The following WWOX variants were observed in gnomAD, a reference collection of about 807,000 sequenced individuals.
WWOX encodes the protein WW domain-containing oxidoreductase.
In WWOX, 69 loss-of-function variants were observed where a neutral mutation model predicts 46.2. That is an observed-to-expected ratio of 1.49 (90% CI 1.23 to 1.82). The LOEUF (loss-of-function observed/expected upper bound fraction) is 1.82, where lower values mean the gene tolerates loss of function less well. Ranked by LOEUF, WWOX falls within the 40% of genes most tolerant of loss-of-function variation. WWOX has a pLI of 0.00. For synonymous variants in WWOX, 359 were observed against 202.6 expected, an observed-to-expected ratio of 1.77 and a Z score of -6.56; for missense variants, 919 against 542.6, an observed-to-expected ratio of 1.69 and a Z score of -6.89.
intron 8 of WWOX, among the ~76,000 whole-genome samples, chr16:79,137,319 C>G (rs1039608342): frequency 2.0e-5 from 3 of 152,188 alleles, no homozygotes; most frequent in African/African-American, 7.2e-5. Context: ...GCTTGACAAT[C>G]TTGGCAAGGC....
Position 78,339,497 on chromosome 16 carries a change from A to C in WWOX, c.517-47363A>C, listed in dbSNP as rs1377216094. Among the ~76,000 whole-genome samples the C allele has an allele frequency of 5.0e-5, 6 of 119,976 alleles. 1 individual carries two copies. The highest frequency in any genetic ancestry group is 1.7e-4 in the African/African-American group (6 of 35,442). The allele number at this position is 119,976 out of a possible 152,430, so 78.7% of individuals were successfully genotyped here. On this transcript the variant is annotated intron_variant, in intron 5 of 8. Coordinates refer to ENST00000566780, the MANE Select transcript of WWOX (RefSeq NM_016373.4). ...AAACTGCCCTCACATTGTATCCTGG[A>C]AAGTTCATTTACCTGTACCCGGAGT... is the stretch of plus-strand genomic sequence containing the variant.
At chr16:78,903,962 T>C (rs576266558) in intron 8 of WWOX, among the ~76,000 whole-genome samples, 1 of 152,292 alleles carries the variant, frequency 6.6e-6, no homozygotes, top group Admixed American at 6.5e-5. Context: ...AGCGAATGAA[T>C]GGAGACTCCT....
intron 8 of WWOX, among the ~76,000 whole-genome samples, chr16:78,851,048 G>A (rs1247001198): frequency 6.6e-6 from 1 of 152,176 alleles, no homozygotes; most frequent in Non-Finnish European, 1.5e-5. Flanking sequence ...TGAGTTATTT[G>A]AAAGAGGGTA....
chr16:78,381,057 G>C (rs1266164979), intron 5 of WWOX, among the ~76,000 whole-genome samples: 2 of 152,276 alleles, frequency 1.3e-5, no homozygotes, highest in African/African-American at 4.8e-5. Context: ...CTGAAGTCAA[G>C]TTGCCAGTGC....
At chr16:78,256,074 C>T (rs36026188) in intron 5 of WWOX, among the ~76,000 whole-genome samples, 144 of 145,744 alleles carry the variant, frequency 9.9e-4, no homozygotes, top group Non-Finnish European at 1.8e-3. Flanking sequence ...CACTCGAACC[C>T]GGGAGGCAGA....
At chr16:78,862,069 C>T in intron 8 of WWOX, among the ~76,000 whole-genome samples, 1 of 137,140 alleles carries the variant, frequency 7.3e-6, no homozygotes, top group African/African-American at 2.5e-5. Context: ...GAGATATATG[C>T]ATATCTATAC....
chr16:78,332,632 C>T (rs1404878563), intron 5 of WWOX, among the ~76,000 whole-genome samples: 2 of 152,118 alleles, frequency 1.3e-5, no homozygotes, highest in Non-Finnish European at 2.9e-5. Context: ...GGTTAATGAT[C>T]TGATGATTTT....
At chr16:78,329,300 C>T (rs2080704962) in intron 5 of WWOX, among the ~76,000 whole-genome samples, 1 of 152,134 alleles carries the variant, frequency 6.6e-6, no homozygotes, top group Non-Finnish European at 1.5e-5. Flanking sequence ...GCCAGTTCTC[C>T]TCTGTGGGCA....
intron 8 of WWOX, among the ~76,000 whole-genome samples, chr16:78,619,641 A>AAAG (rs2046127793): frequency 6.6e-6 from 1 of 151,960 alleles, no homozygotes; most frequent in African/African-American, 2.4e-5. Flanking sequence ...GTGGTGGCTC[A>AAAG]TGTCTGTAAA....
intron 8 of WWOX, among the ~76,000 whole-genome samples, chr16:78,445,375 C>T (rs2083536185): frequency 6.6e-6 from 1 of 152,154 alleles, no homozygotes; most frequent in Non-Finnish European, 1.5e-5. Context: ...TGCATTCATT[C>T]ATTCAACAAA....
At chr16:79,053,286 A>G (rs1172975275) in intron 8 of WWOX, among the ~76,000 whole-genome samples, 2 of 152,138 alleles carry the variant, frequency 1.3e-5, no homozygotes, top group Non-Finnish European at 1.5e-5. Context: ...TTATTTTGAG[A>G]TTTAATTTCC....
intron 8 of WWOX, among the ~76,000 whole-genome samples, chr16:78,438,815 T>TA (rs1426796391): frequency 6.6e-6 from 1 of 152,182 alleles, no homozygotes; most frequent in Non-Finnish European, 1.5e-5. Flanking sequence ...GCTACCCTGC[T>TA]AATGGATGGG....
At chr16:78,314,823 A>T (rs1054329919) in intron 5 of WWOX, among the ~76,000 whole-genome samples, 1 of 148,548 alleles carries the variant, frequency 6.7e-6, no homozygotes, top group Admixed American at 6.8e-5. Flanking sequence ...AAGTGCTGGG[A>T]TTACAGGCAT....
At chr16:78,707,830 G>C (rs2048355338) in intron 8 of WWOX, among the ~76,000 whole-genome samples, 1 of 146,100 alleles carries the variant, frequency 6.8e-6, no homozygotes, top group African/African-American at 2.6e-5. Context: ...GCGAGACTCT[G>C]TCTCAAAAAT....
intron 8 of WWOX, among the ~76,000 whole-genome samples, chr16:78,602,953 A>AT (rs1161929308): frequency 6.6e-6 from 1 of 152,084 alleles, no homozygotes; most frequent in Non-Finnish European, 1.5e-5. Flanking sequence ...TTCTCTTTCC[A>AT]TCTCCCTGAT....
intron 8 of WWOX, among the ~76,000 whole-genome samples, chr16:78,602,432 C>G (rs1440157738): frequency 6.6e-6 from 1 of 152,140 alleles, no homozygotes; most frequent in Non-Finnish European, 1.5e-5. Context: ...CGGGGTTTCA[C>G]TATATTGGCC....
intron 8 of WWOX, among the ~76,000 whole-genome samples, chr16:78,666,973 T>A (rs561720490): frequency 6.6e-6 from 1 of 152,298 alleles, no homozygotes; most frequent in South Asian, 2.1e-4. Flanking sequence ...TAAAAGGGTT[T>A]AGGGGAAGTT....
intron 6 of WWOX, among the ~76,000 whole-genome samples, chr16:78,411,474 C>G (rs1452006000): frequency 1.3e-5 from 2 of 152,206 alleles, no homozygotes; most frequent in East Asian, 3.9e-4. Context: ...CAGACTTAAT[C>G]AAGTGAGGGG....
At position 78,862,577 on chromosome 16, in the gene WWOX, C is replaced by T. The variant is rs1013309947; in HGVS notation, c.1057-349031C>T. On this transcript the variant is annotated intron_variant, in intron 8 of 8. Transcript: ENST00000566780. The stretch of plus-strand genomic sequence containing the variant: ...CATGAAATTACAGAGACTGAGACAT[C>T]GAAACCCAGGACAACCAATGGTACA... Among the ~76,000 whole-genome samples, 9 of 152,102 alleles carry T rather than the reference C, an allele frequency of 5.9e-5. No homozygotes were observed. The South Asian group carries it at 1.2e-3, about 21-fold the overall frequency.
Sources: allele counts gnomAD v4.1 joint callset (sites outside exome capture counted in the v4.1 genomes callset), GRCh38; gene constraint gnomAD v4.1.1; transcripts MANE v1.5; gene names NCBI Gene and HGNC (gene_info 2026-07-23, HGNC 2026-07-21).